The following ADAMTS6 variants were observed in gnomAD, a reference collection of about 807,000 sequenced individuals.
ADAMTS6 encodes ADAM metallopeptidase with thrombospondin type 1 motif 6, also known as A disintegrin and metalloproteinase with thrombospondin motifs 6.
A neutral mutation model predicts 144.3 loss-of-function variants in ADAMTS6; 23 were observed. The ratio of observed to expected loss-of-function variants is 0.16; its 90% CI spans 0.11 to 0.23. ADAMTS6 has a LOEUF of 0.23. ADAMTS6 is among the 10% of genes least tolerant of loss of function. The pLI is 1.00. For missense variants in ADAMTS6, 999 were observed against 1,379.6 expected (o/e 0.72, Z 4.37); for synonymous variants, 444 against 457.5 (o/e 0.97, Z 0.38).
At chr5:65,341,604 T>C (rs1209898822) in intron 7 of ADAMTS6, among the ~76,000 whole-genome samples, 4 of 151,888 alleles carry the variant, frequency 2.6e-5, no homozygotes, top group Non-Finnish European at 5.9e-5. Flanking sequence ...CTAGAAGAAA[T>C]GGATAAATTC....
intron 11 of ADAMTS6, among the ~76,000 whole-genome samples, chr5:65,290,110 C>T (rs1742144156): frequency 6.6e-6 from 1 of 152,160 alleles, no homozygotes; most frequent in Admixed American, 6.6e-5. Context: ...TAATAATATA[C>T]TTGTCACCAA....
intron 9 of ADAMTS6, among the ~76,000 whole-genome samples, chr5:65,305,749 AAGTC>A (rs1257203799): frequency 1.3e-5 from 2 of 152,062 alleles, no homozygotes; most frequent in Non-Finnish European, 1.5e-5. Flanking sequence ...GACAGAGAAA[AAGTC>A]AGAGGGACAC....
At chr5:65,238,998 A>G (rs1254671764) in intron 15 of ADAMTS6, among the ~76,000 whole-genome samples, 1 of 152,190 alleles carries the variant, frequency 6.6e-6, no homozygotes, top group Non-Finnish European at 1.5e-5. Context: ...TATAAAAAAC[A>G]TCAAAGTTAA....
intron 4 of ADAMTS6, among the ~76,000 whole-genome samples, 182 bp downstream of exon 4, chr5:65,459,988 C>CA (rs1759522895): frequency 6.6e-6 from 1 of 152,206 alleles, no homozygotes; most frequent in East Asian, 1.9e-4. Flanking sequence ...AAAAACTTCT[C>CA]AAAGAGCTCC....
At chr5:65,189,588 C>T (rs1754884864) in intron 21 of ADAMTS6, among the ~76,000 whole-genome samples, 1 of 152,182 alleles carries the variant, frequency 6.6e-6, no homozygotes. Flanking sequence ...CTGAAGCCAG[C>T]TCAAGTTGAA....
chr5:65,269,716 A>G (rs1161246987), intron 12 of ADAMTS6, among the ~76,000 whole-genome samples: 1 of 151,708 alleles, frequency 6.6e-6, no homozygotes, highest in East Asian at 1.9e-4. Flanking sequence ...CCTACCTCAT[A>G]TGATTTCTCT....
chr5:65,255,412 C>A (rs1760560820), intron 14 of ADAMTS6, among the ~76,000 whole-genome samples: 1 of 152,092 alleles, frequency 6.6e-6, no homozygotes, highest in African/African-American at 2.4e-5. Context: ...CCCCTTCCAC[C>A]CTTTCCCCCA....
At chr5:65,323,348 T>A (rs1410347102) in intron 9 of ADAMTS6, among the ~76,000 whole-genome samples, 3 of 145,756 alleles carry the variant, frequency 2.1e-5, no homozygotes, top group Non-Finnish European at 4.5e-5. Flanking sequence ...TTCCCACCTA[T>A]GAGTGAGAAC....
rs1200317185 is a variant in ADAMTS6, at chr5:65,302,107, A to AATAT, written c.1224-1980_1224-1977dup. ...GCTCTGTCTCCAAAAAAAAAAAAAAAATATATATATATATATATATATGCA... is the reference window on the plus strand; with the variant it reads ...GCTCTGTCTCCAAAAAAAAAAAAAAAATATATATATATATATATATATATATGCA... On this transcript the variant is annotated intron_variant, in intron 9 of 24. Transcript: ENST00000381055. Among the ~76,000 whole-genome samples, 311 of 34,066 alleles carry AATAT rather than the reference A, an allele frequency of 9.1e-3. 3 individuals are homozygous for AATAT. Among genetic ancestry groups the AATAT allele is most frequent in the African/African-American group, 0.033 (297 of 9,030 alleles). The allele number at this position is 34,066 out of a possible 152,430, so 22.3% of individuals were successfully genotyped here.
chr5:65,312,216 A>T (rs888273821), intron 9 of ADAMTS6, among the ~76,000 whole-genome samples: 1 of 152,054 alleles, frequency 6.6e-6, no homozygotes, highest in Non-Finnish European at 1.5e-5. Context: ...ATGATAGTCT[A>T]AACTGTGCCA....
intron 7 of ADAMTS6, among the ~76,000 whole-genome samples, chr5:65,373,689 A>T (rs1282084924): frequency 6.6e-6 from 1 of 152,294 alleles, no homozygotes; most frequent in South Asian, 2.1e-4. Context: ...ACAAGGAGAA[A>T]CTGGTACCAT....
intron 11 of ADAMTS6, among the ~76,000 whole-genome samples, chr5:65,284,566 C>T (rs914890076): frequency 6.7e-6 from 1 of 150,358 alleles, no homozygotes; most frequent in Non-Finnish European, 1.5e-5. Context: ...TCTATATTTA[C>T]TCTCTTGATC....
intron 7 of ADAMTS6, among the ~76,000 whole-genome samples, chr5:65,354,874 G>A (rs1478080241): frequency 2.0e-5 from 3 of 151,550 alleles, no homozygotes; most frequent in Admixed American, 1.3e-4. Context: ...CTTGGAGGTC[G>A]CCAACCTAAA....
intron 24 of ADAMTS6, among the ~76,000 whole-genome samples, chr5:65,164,183 G>A (rs1413522840): frequency 6.6e-6 from 1 of 151,800 alleles, no homozygotes; most frequent in Admixed American, 6.6e-5. Flanking sequence ...CGCACCGTGC[G>A]CGAGCCGAAG....
intron 9 of ADAMTS6, among the ~76,000 whole-genome samples, chr5:65,308,711 G>C (rs927179539): frequency 9.9e-5 from 15 of 152,128 alleles, no homozygotes; most frequent in African/African-American, 3.6e-4. Context: ...CAGTGCATGA[G>C]AAAACACTTA....
intron 14 of ADAMTS6, among the ~76,000 whole-genome samples, chr5:65,257,722 C>T (rs1016280371): frequency 6.6e-6 from 1 of 152,194 alleles, no homozygotes; most frequent in African/African-American, 2.4e-5. Flanking sequence ...CTCTCATTTT[C>T]ACTTTTTTCT....
At chr5:65,211,218 T>A (rs1469458393) in intron 20 of ADAMTS6, among the ~76,000 whole-genome samples, 1 of 152,168 alleles carries the variant, frequency 6.6e-6, no homozygotes, top group African/African-American at 2.4e-5. Context: ...GTAAGCTTCT[T>A]AAGAACCTGG....
chr5:65,309,689 A>G (rs1290981847), intron 9 of ADAMTS6, among the ~76,000 whole-genome samples: 1 of 152,194 alleles, frequency 6.6e-6, no homozygotes, highest in Non-Finnish European at 1.5e-5. Context: ...ACTTTGTTCT[A>G]CAATTTGGCA....
chr5:65,224,582 T>G (rs1189476639), intron 17 of ADAMTS6, among the ~76,000 whole-genome samples, 182 bp from the exon 18 acceptor site: 1 of 152,220 alleles, frequency 6.6e-6, no homozygotes, highest in Non-Finnish European at 1.5e-5. Context: ...AAACAGTATT[T>G]AACAGTCTTT....
Sources: gnomAD v4.1 joint callset for allele counts (sites outside exome capture counted in the v4.1 genomes callset) on GRCh38, gnomAD v4.1.1 for gene constraint, MANE v1.5 for transcripts, NCBI Gene and HGNC (gene_info 2026-07-23, HGNC 2026-07-21) for gene names.